The following RSPH10B variants were observed in gnomAD, a reference collection of about 807,000 sequenced individuals.
The protein encoded by RSPH10B is radial spoke head 10 homolog B (Chlamydomonas).
In RSPH10B, 7 loss-of-function variants were observed where a neutral mutation model predicts 52.5. The observed-to-expected ratio is 0.13, with a 90% confidence interval of 0.08 to 0.25. The LOEUF (loss-of-function observed/expected upper bound fraction) is 0.25. RSPH10B is among the 10% of genes least tolerant of loss of function. The probability of loss-of-function intolerance (pLI) is 1.00; values close to 1 mark genes in which losing one functional copy is unlikely to be tolerated. For missense variants in RSPH10B, 89 were observed against 542.5 expected, an observed-to-expected ratio of 0.16 and a Z score of 8.30; for synonymous variants, 28 against 193.2, an observed-to-expected ratio of 0.14 and a Z score of 7.09.
upstream of RSPH10B, among the ~76,000 whole-genome samples, chr7:5,968,166 G>A (rs1159115734): frequency 6.6e-6 from 1 of 152,284 alleles, no homozygotes; most frequent in Non-Finnish European, 1.5e-5. Flanking sequence ...CAAGGCAGGT[G>A]GATCACGAGG....
rs1779990931 is a variant in RSPH10B, at chr7:5,937,621, T to C, written c.2010+137A>G. 4 of 561,968 alleles carry C rather than the reference T, an allele frequency of 7.1e-6. 1 individual carries two copies. The highest frequency in any genetic ancestry group is 1.0e-5 in the Non-Finnish European group (3 of 296,490). The allele number at this position is 561,968 out of a possible 1,614,324, so 34.8% of individuals were successfully genotyped here. ...CAGGGTTTCACCACGTTAGCCAGGA[T>C]GGTCTCGATCTTCTGACCTCGTGAT... On this transcript the variant is annotated intron_variant, in intron 15 of 18. Coordinates refer to ENST00000337579, the Ensembl canonical transcript of RSPH10B.
In RSPH10B at chr7:5,943,304, T is replaced by C. The variant is rs1208048563; in HGVS notation, c.1758+20A>G. 2 of 1,522,638 alleles carry C rather than the reference T, an allele frequency of 1.3e-6. No individual in the cohort carries two copies. The highest frequency in any genetic ancestry group is 2.3e-5 in the East Asian group (1 of 44,184). The allele number at this position is 1,522,638 out of a possible 1,614,324, so 94.3% of individuals were successfully genotyped here. ...AAAGTGCCTGTAAATAGAAAGCCAA[T>C]ATCGAACTTAGGTGGTTACTTTCAG... is the stretch of plus-strand genomic sequence containing the variant. On this transcript the variant is annotated intron_variant, in intron 13 of 18. Coordinates refer to ENST00000337579, the Ensembl canonical transcript of RSPH10B.
At chr7:5,927,047 ATTATGTGTGTGTGTGTG>A (rs1779486210) in intron 18 of RSPH10B, among the ~76,000 whole-genome samples, 2 of 51,488 alleles carry the variant, frequency 3.9e-5, no homozygotes, top group Non-Finnish European at 1.2e-4. Flanking sequence ...GTGTGTGTGT[ATTATGTGTGTGTGTGTG>A]TGTATATGTG....
chr7:5,928,641 T>G (rs1435359012), intron 17 of RSPH10B, among the ~76,000 whole-genome samples: 1 of 143,630 alleles, frequency 7.0e-6, no homozygotes, highest in Non-Finnish European at 1.5e-5. Context: ...TTTGTTTTTT[T>G]TTTTTTTGGA....
intron 12 of RSPH10B, among the ~76,000 whole-genome samples, 182 bp downstream of exon 14, chr7:5,943,729 A>G (rs1780337166): frequency 6.6e-6 from 1 of 150,906 alleles, no homozygotes. Flanking sequence ...TATTTCTAGT[A>G]GAGATGGGGT....
chr7:5,963,386 CCG>C (rs1780978784), intron 3 of RSPH10B: 1 of 144,262 alleles, frequency 6.9e-6, no homozygotes. Context: ...CTCCCTCTCC[CCG>C]CTCCTCTGCA....
At chr7:5,941,497 C>T in intron 13 of RSPH10B, among the ~76,000 whole-genome samples, 1 of 148,750 alleles carries the variant, frequency 6.7e-6, no homozygotes, top group African/African-American at 2.5e-5. Context: ...GTAATCCCAG[C>T]ACTTTGGGAG....
intron 16 of RSPH10B, among the ~76,000 whole-genome samples, chr7:5,933,682 C>T (rs1403944126): frequency 1.5e-5 from 2 of 135,414 alleles, no homozygotes; most frequent in African/African-American, 5.4e-5. Flanking sequence ...ATGGCGTGAA[C>T]CCGGGAGGCA....
exon 18 of RSPH10B, chr7:5,928,367 C>T (rs370666026): frequency 5.6e-6 from 9 of 1,613,256 alleles, no homozygotes; most frequent in East Asian, 2.2e-5. Flanking sequence ...CTCTTCCTCT[C>T]GATCATCCTT....
In RSPH10B at chr7:5,937,772, TATAA is replaced by T. The variant is rs759828090; in HGVS notation, c.1992_1995del (p.Tyr665GlnfsTer3). ...TTATGTGTTACCTGATTTAGTATTG[TATAA>T]ATAGTTTCATGTTTATTTCCAGACA... On this transcript the variant is annotated frameshift_variant, in exon 15 of 19. Transcript: ENST00000337579. LOFTEE classifies it high-confidence loss of function. 10 of 593,152 alleles carry T rather than the reference TATAA, an allele frequency of 1.7e-5. 2 individuals carry two copies. Among genetic ancestry groups the T allele is most frequent in the Non-Finnish European group, 2.2e-5 (7 of 313,226 alleles). The allele number at this position is 593,152 out of a possible 1,614,324, so 36.7% of individuals were successfully genotyped here. A position where few individuals can be genotyped will look rare whatever the true frequency, so the allele number is the denominator to read the frequency against.
In RSPH10B at chr7:5,942,078, C is replaced by T. The variant is rs1337497296; in HGVS notation, c.1758+1246G>A. Among the ~76,000 whole-genome samples, 57 of 148,830 alleles carry T rather than the reference C, an allele frequency of 3.8e-4. 2 individuals are homozygous for T. The highest frequency in any genetic ancestry group is 8.9e-4 in the African/African-American group (36 of 40,298). ...TGGCTAATTTTTTTGTATTTTTAGT[C>T]GAAAGGGGGTTTCACAGCATTGGCC... On this transcript the variant is annotated intron_variant, in intron 13 of 18. Transcript: ENST00000337579.
intron 18 of RSPH10B, among the ~76,000 whole-genome samples, chr7:5,927,093 TG>T (rs1779526560): frequency 1.4e-5 from 2 of 145,544 alleles, no homozygotes; most frequent in Non-Finnish European, 3.0e-5. Context: ...TGTGTGTGTG[TG>T]TGTATTTTTT....
At position 5,942,640 on chromosome 7, in the gene RSPH10B, T is replaced by A. The variant is rs1397703038; in HGVS notation, c.1758+684A>T. Among the ~76,000 whole-genome samples the A allele has an allele frequency of 6.8e-5, 10 of 147,628 alleles. No homozygotes were observed. The East Asian group carries it at 2.0e-3, about 30-fold the overall frequency. On this transcript the variant is annotated intron_variant, in intron 13 of 18. Transcript: ENST00000337579. ...ACTTAGGGAGGCTGAGGCGGGTGGA[T>A]CACCTGGGGTTGGGAGGTCAAGACC...
chr7:5,931,200 G>A (rs1296699287), intron 17 of RSPH10B, among the ~76,000 whole-genome samples: 1 of 145,558 alleles, frequency 6.9e-6, no homozygotes, highest in Non-Finnish European at 1.5e-5. Context: ...CCAAAGTTCT[G>A]GGATTACAAG....
chr7:5,943,630 G>GCC (rs559516672), intron 12 of RSPH10B, among the ~76,000 whole-genome samples, 158 bp from the exon 15 acceptor site: 15 of 146,944 alleles, frequency 1.0e-4, no homozygotes, highest in South Asian at 2.1e-4. Flanking sequence ...TGCAACCTCC[G>GCC]CCCCCCAGGC....
In RSPH10B at chr7:5,966,311, G is replaced by A. The variant is rs1435500955; in HGVS notation, c.254+552C>T. Among the ~76,000 whole-genome samples, 19 of 95,502 alleles carry A rather than the reference G, an allele frequency of 2.0e-4. 2 individuals are homozygous for A. Among genetic ancestry groups the A allele is most frequent in the African/African-American group, 7.1e-4 (18 of 25,458 alleles). The allele number at this position is 95,502 out of a possible 152,430, so 62.7% of individuals were successfully genotyped here. A position where few individuals can be genotyped will look rare whatever the true frequency, so the allele number is the denominator to read the frequency against. On this transcript the variant is annotated intron_variant, in intron 1 of 18. Coordinates refer to ENST00000337579, the Ensembl canonical transcript of RSPH10B. ...TGAATTGTACACTTAAAATAATTAAGATAGTACATTTTGTTATATGTTTCA... is the reference window on the plus strand; with the variant it reads ...TGAATTGTACACTTAAAATAATTAAAATAGTACATTTTGTTATATGTTTCA...
intron 17 of RSPH10B, among the ~76,000 whole-genome samples, chr7:5,929,122 C>T (rs1779686065): frequency 6.8e-6 from 1 of 146,416 alleles, no homozygotes. Flanking sequence ...AGTGATCCTC[C>T]TATCTCAGCC....
chr7:5,928,203 C>G (rs1164167384), exon 18 of RSPH10B: 2 of 1,612,614 alleles, frequency 1.2e-6, no homozygotes, highest in African/African-American at 2.7e-5. Context: ...TACCTTGCTT[C>G]CAGTTCGTCA....
upstream of RSPH10B, among the ~76,000 whole-genome samples, chr7:5,968,234 CA>C (rs1434826646): frequency 6.7e-6 from 1 of 148,680 alleles, no homozygotes; most frequent in Non-Finnish European, 1.5e-5. Context: ...ACTAAAAATA[CA>C]AAAAATTAGC....
Sources: gnomAD v4.1 joint callset for allele counts (sites outside exome capture counted in the v4.1 genomes callset) on GRCh38, gnomAD v4.1.1 for gene constraint, MANE v1.5 for transcripts, NCBI Gene and HGNC (gene_info 2026-07-23, HGNC 2026-07-21) for gene names.